PPARG: variants seen among roughly 807,000 people sequenced by gnomAD.
PPARG encodes the protein peroxisome proliferator activated receptor gamma.
A neutral mutation model predicts 39.2 loss-of-function variants in PPARG; 17 were observed. The ratio of observed to expected loss-of-function variants is 0.43; its 90% confidence interval spans 0.30 to 0.65. The LOEUF (loss-of-function observed/expected upper bound fraction) is 0.65. Ranked by LOEUF, PPARG falls within the 30% of genes least tolerant of loss-of-function variation. The pLI is 0.13. For synonymous variants in PPARG, 223 were observed against 215.7 expected (o/e 1.03, Z -0.30); for missense variants, 406 against 585.9 (o/e 0.69, Z 3.17).
At chr3:12,361,649 A>G (rs2048850352) in intron 2 of PPARG, among the ~76,000 whole-genome samples, 2 of 152,222 alleles carry the variant, frequency 1.3e-5, no homozygotes, top group African/African-American at 4.8e-5. Flanking sequence ...CCAGGTGACC[A>G]TATAGGTCTG....
At chr3:12,308,061 A>G (rs866360257) in intron 1 of PPARG, among the ~76,000 whole-genome samples, 1 of 152,186 alleles carries the variant, frequency 6.6e-6, no homozygotes, top group African/African-American at 2.4e-5. Context: ...TAAAATAGTC[A>G]TCATAAGGTA....
chr3:12,357,557 T>C (rs536294792), intron 2 of PPARG, among the ~76,000 whole-genome samples: 11 of 152,296 alleles, frequency 7.2e-5, no homozygotes, highest in Admixed American at 5.9e-4. Flanking sequence ...TACAATTTCC[T>C]ATTTAAAAAG....
At chr3:12,409,886 C>A (rs536855928) in intron 6 of PPARG, among the ~76,000 whole-genome samples, 58 of 152,316 alleles carry the variant, frequency 3.8e-4, no homozygotes, top group African/African-American at 1.2e-3. Context: ...TCCTTCCCCT[C>A]CCCAACTAAT....
chr3:12,327,546 C>G (rs184529662), intron 2 of PPARG, among the ~76,000 whole-genome samples: 242 of 152,102 alleles, frequency 1.6e-3, no homozygotes, highest in Non-Finnish European at 3.0e-3. Flanking sequence ...ATGAGAAGCC[C>G]AAACCAAAAG....
chr3:12,381,585 T>C, intron 4 of PPARG, 94 bp downstream of exon 4: 1 of 1,335,776 alleles, frequency 7.5e-7, no homozygotes, highest in Non-Finnish European at 1.0e-6. Context: ...ATATGAATTT[T>C]TTTTCTTCAT....
rs1275632310 is a variant in PPARG at position 12,340,608 on chromosome 3, T to A, written c.-9+28155T>A. On this transcript the variant is annotated intron_variant, in intron 2 of 7. Coordinates refer to ENST00000651735, the MANE Select transcript of PPARG (RefSeq NM_138711.6). ...TGTAACATCTTACTTCCTAGAGGTATCTGAAGAAAAGCACTCCAGGAGTAT... is the reference window on the plus strand; with the variant it reads ...TGTAACATCTTACTTCCTAGAGGTAACTGAAGAAAAGCACTCCAGGAGTAT... Among the ~76,000 whole-genome samples the A allele has an allele frequency of 2.0e-5, 3 of 152,164 alleles. No individual in the cohort carries two copies. The South Asian group carries it at 6.2e-4, about 31-fold the overall frequency.
intron 2 of PPARG, among the ~76,000 whole-genome samples, chr3:12,328,597 A>G (rs2047760699): frequency 6.6e-6 from 1 of 152,186 alleles, no homozygotes; most frequent in African/African-American, 2.4e-5. Context: ...AGCCAGACCA[A>G]TAAAAAGCAT....
chr3:12,417,100 G>A lies in PPARG; in HGVS notation c.1126G>A (p.Glu376Lys). 6.2e-7 allele frequency: 1 copy of A among 1,614,146 alleles called. No individual in the cohort carries two copies. Among genetic ancestry groups the A allele is most frequent in the Non-Finnish European group, 8.5e-7 (1 of 1,179,994 alleles). Residue 376 changes from glutamate to lysine, a missense_variant, in exon 7 of 8, where the codon GAA becomes AAA. Physicochemically the swap from Glu to Lys is moderately conservative, Grantham distance 56 (BLOSUM62 1). Around this residue, in one of 2 missense-constraint regions of PPARG, gnomAD observed 275 missense variants for 458.0 expected, o/e 0.60. Coordinates refer to ENST00000651735, the MANE Select transcript of PPARG (RefSeq NM_138711.6). ...FEFAVKFNAL[E>K]LDDSDLAIFI... The stretch of plus-strand genomic sequence containing the variant: ...GTTTGCTGTGAAGTTCAATGCACTG[G>A]AATTAGATGACAGCGACTTGGCAAT...
intron 4 of PPARG, among the ~76,000 whole-genome samples, chr3:12,383,511 CTG>C (rs1268465279): frequency 6.6e-6 from 1 of 151,974 alleles, no homozygotes; most frequent in Admixed American, 6.6e-5. Context: ...AGTGAGTAAA[CTG>C]TTGCTAAATT....
intron 2 of PPARG, among the ~76,000 whole-genome samples, chr3:12,321,767 T>C (rs1224759767): frequency 6.6e-6 from 1 of 152,198 alleles, no homozygotes; most frequent in Non-Finnish European, 1.5e-5. Context: ...CAGTGTCCTC[T>C]CACAGTGCTG....
chr3:12,410,527 A>C (rs1207976109), intron 6 of PPARG, among the ~76,000 whole-genome samples: 1 of 152,194 alleles, frequency 6.6e-6, no homozygotes, highest in African/African-American at 2.4e-5. Flanking sequence ...CTCCGGCTGC[A>C]CTCTGTCTGC....
At chr3:12,401,014 A>G (rs1203023648) in intron 5 of PPARG, among the ~76,000 whole-genome samples, 2 of 152,228 alleles carry the variant, frequency 1.3e-5, no homozygotes, top group Non-Finnish European at 2.9e-5. Flanking sequence ...ACAGTAAGAC[A>G]TGAAGCATTT....
chr3:12,354,914 T>C (rs2048611797), intron 2 of PPARG, among the ~76,000 whole-genome samples: 1 of 152,150 alleles, frequency 6.6e-6, no homozygotes, highest in Non-Finnish European at 1.5e-5. Flanking sequence ...GAGAAGATGA[T>C]CAAACTTAGA....
At chr3:12,295,635 T>C (rs2046760416) in intron 1 of PPARG, among the ~76,000 whole-genome samples, 1 of 151,752 alleles carries the variant, frequency 6.6e-6, no homozygotes, top group South Asian at 2.1e-4. Flanking sequence ...TGCCTCAGCC[T>C]CCCGAGTAGC....
chr3:12,306,791 T>A (rs2047076890), intron 1 of PPARG, among the ~76,000 whole-genome samples: 1 of 152,182 alleles, frequency 6.6e-6, no homozygotes. Flanking sequence ...AGTAACTTCA[T>A]CATCACTTAG....
chr3:12,377,109 A>G (rs1019754126), intron 2 of PPARG, among the ~76,000 whole-genome samples: 3 of 152,192 alleles, frequency 2.0e-5, no homozygotes, highest in East Asian at 3.8e-4. Context: ...GTGGCTCACA[A>G]GTTCACATGA....
intron 5 of PPARG, among the ~76,000 whole-genome samples, chr3:12,396,294 G>A (rs560002081): frequency 2.8e-4 from 43 of 151,998 alleles, no homozygotes; most frequent in African/African-American, 9.9e-4. Flanking sequence ...GCTGATTTTT[G>A]TATTTTTAGT....
chr3:12,327,708 G>A (rs1244775321), intron 2 of PPARG, among the ~76,000 whole-genome samples: 1 of 152,156 alleles, frequency 6.6e-6, no homozygotes, highest in East Asian at 1.9e-4. Context: ...CTGTAGGACA[G>A]TTGACTTAGA....
At chr3:12,402,505 A>C (rs923517602) in intron 5 of PPARG, among the ~76,000 whole-genome samples, 2 of 152,230 alleles carry the variant, frequency 1.3e-5, no homozygotes, top group African/African-American at 4.8e-5. Flanking sequence ...ATGAGAAAAC[A>C]TGTTACTCAT....
Sources: allele counts gnomAD v4.1 joint callset (sites outside exome capture counted in the v4.1 genomes callset), GRCh38; gene constraint gnomAD v4.1.1; regional missense constraint gnomAD v4.1.1; transcripts MANE v1.5; gene names NCBI Gene and HGNC (gene_info 2026-07-23, HGNC 2026-07-21).